The following FER variants were observed in gnomAD, a reference collection of about 807,000 sequenced individuals.
FER encodes the protein FER tyrosine kinase, also known as tyrosine-protein kinase Fer.
In FER, 63 loss-of-function variants were observed where a neutral mutation model predicts 111.0. The observed-to-expected ratio is 0.57, with a 90% CI of 0.46 to 0.70. The LOEUF (loss-of-function observed/expected upper bound fraction) is 0.70. Ranked by LOEUF, FER falls within the 30% of genes least tolerant of loss-of-function variation. The pLI is 0.00. For synonymous variants in FER, 327 were observed against 313.9 expected (o/e 1.04, Z -0.44); for missense variants, 914 against 954.0 (o/e 0.96, Z 0.55).
chr5:109,034,237 A>G (rs1443382033), intron 13 of FER, among the ~76,000 whole-genome samples: 2 of 152,114 alleles, frequency 1.3e-5, no homozygotes, highest in Non-Finnish European at 2.9e-5. Flanking sequence ...TAATTTCTGT[A>G]GATCTATTGA....
intron 13 of FER, among the ~76,000 whole-genome samples, chr5:108,992,506 T>G (rs1311955663): frequency 7.0e-6 from 1 of 142,392 alleles, no homozygotes; most frequent in African/African-American, 2.7e-5. Context: ...GGCGGGGGGC[T>G]GACCCCCCAC....
At chr5:109,046,604 CCTCTGT>C (rs927686994) in intron 15 of FER, among the ~76,000 whole-genome samples, 10 of 152,008 alleles carry the variant, frequency 6.6e-5, no homozygotes, top group African/African-American at 2.4e-4. Context: ...TATGGTTGGG[CCTCTGT>C]CTCCATGGGT....
intron 16 of FER, among the ~76,000 whole-genome samples, chr5:109,055,273 A>G (rs1773470297): frequency 6.6e-6 from 1 of 152,184 alleles, no homozygotes; most frequent in Non-Finnish European, 1.5e-5. Flanking sequence ...TTTGGATATT[A>G]CAGCAAAAAC....
rs1356437138 is a variant in FER, at chr5:109,044,832, A to G, written c.1829+37A>G. 3.0e-6 allele frequency: 3 copies of G among 1,016,400 alleles called. No individual in the cohort carries two copies. In the East Asian group the frequency reaches 7.9e-5, roughly 27 times the overall value. The allele number at this position is 1,016,400 out of a possible 1,614,324, so 63.0% of individuals were successfully genotyped here. ...AAAGTAATCAAAATATGTATTTATT[A>G]TGTAAATTATTTATTAAAATGTAAG... On this transcript the variant is annotated intron_variant, in intron 15 of 19. Transcript: ENST00000281092.
intron 13 of FER, among the ~76,000 whole-genome samples, chr5:109,026,930 C>T (rs1225689838): frequency 2.0e-5 from 3 of 152,086 alleles, no homozygotes; most frequent in South Asian, 2.1e-4. Flanking sequence ...CTGCCCACCT[C>T]GGCCTCCCAA....
At chr5:108,781,193 T>TTTTG (rs535516169) in intron 2 of FER, among the ~76,000 whole-genome samples, 2 of 152,176 alleles carry the variant, frequency 1.3e-5, no homozygotes, top group East Asian at 1.9e-4. Context: ...GACTGTGTTT[T>TTTTG]TTTGTTTGTT....
chr5:108,787,067 G>C (rs553255789), intron 2 of FER, among the ~76,000 whole-genome samples: 2 of 152,000 alleles, frequency 1.3e-5, no homozygotes, highest in African/African-American at 4.8e-5. Flanking sequence ...TTGTGCTCCT[G>C]GGTGCAGCTG....
chr5:108,865,223 G>A (rs1561532487), intron 5 of FER, among the ~76,000 whole-genome samples: 3 of 152,296 alleles, frequency 2.0e-5, no homozygotes, highest in South Asian at 2.1e-4. Flanking sequence ...AGACTTTGCT[G>A]AAGTTGCCTA....
chr5:109,103,116 T>G, intron 17 of FER, among the ~76,000 whole-genome samples: 1 of 152,104 alleles, frequency 6.6e-6, no homozygotes, highest in East Asian at 1.9e-4. Flanking sequence ...CCTTTAGTTT[T>G]TCAGGTAATG....
intron 18 of FER, among the ~76,000 whole-genome samples, chr5:109,185,759 C>T (rs569396194): frequency 9.9e-5 from 15 of 152,040 alleles, no homozygotes; most frequent in African/African-American, 3.6e-4. Flanking sequence ...GACTGCATGT[C>T]GAACTCATTT....
chr5:108,817,340 CAG>C (rs1280220612), intron 3 of FER, among the ~76,000 whole-genome samples: 1 of 152,010 alleles, frequency 6.6e-6, no homozygotes, highest in Non-Finnish European at 1.5e-5. Context: ...CATAAAGACA[CAG>C]AGACTCCAAA....
intron 17 of FER, among the ~76,000 whole-genome samples, chr5:109,114,727 C>T (rs766136699): frequency 1.3e-4 from 19 of 151,980 alleles, no homozygotes; most frequent in Non-Finnish European, 1.9e-4. Flanking sequence ...GATCATGGGC[C>T]ATGTTTTTAC....
intron 16 of FER, 108 bp downstream of exon 16, chr5:109,047,306 G>A (rs1365214137): frequency 3.2e-6 from 2 of 625,762 alleles, no homozygotes; most frequent in Non-Finnish European, 5.5e-6. Context: ...CAAGGATTTT[G>A]TTTAACATTT....
At chr5:108,870,248 C>T (rs1764475408) in intron 6 of FER, among the ~76,000 whole-genome samples, 1 of 152,022 alleles carries the variant, frequency 6.6e-6, no homozygotes, top group Non-Finnish European at 1.5e-5. Flanking sequence ...AACAAATACC[C>T]ATTCATATAA....
intron 1 of FER, among the ~76,000 whole-genome samples, chr5:108,765,255 A>G (rs1752191616): frequency 6.6e-6 from 1 of 152,212 alleles, no homozygotes; most frequent in Non-Finnish European, 1.5e-5. Flanking sequence ...GAATTTTAAA[A>G]AGTTCCATTT....
At chr5:109,184,183 C>G (rs893503411) in intron 18 of FER, among the ~76,000 whole-genome samples, 3 of 152,108 alleles carry the variant, frequency 2.0e-5, no homozygotes, top group African/African-American at 4.8e-5. Flanking sequence ...CCTTTTGTCA[C>G]CTGGGTATTT....
intron 17 of FER, among the ~76,000 whole-genome samples, chr5:109,147,578 C>A (rs918148546): frequency 8.0e-4 from 121 of 151,944 alleles, no homozygotes; most frequent in Non-Finnish European, 1.3e-3. Flanking sequence ...CAATAGTATG[C>A]CCATTTGTAG....
At chr5:108,924,493 A>T in intron 10 of FER, 2 of 735,480 alleles carry the variant, frequency 2.7e-6, no homozygotes, top group Non-Finnish European at 3.7e-6. Context: ...CTGTTCCTTT[A>T]ATCCAGAACT....
Position 109,163,307 on chromosome 5 carries a change from T to C in FER, c.2049-17440T>C, listed in dbSNP as rs144907051. On this transcript the variant is annotated intron_variant, in intron 17 of 19. Coordinates refer to ENST00000281092, the MANE Select transcript of FER (RefSeq NM_005246.4). ...ATCTCCAGTTGATAAACAGGTGGGT[T>C]ATTTCCAGTTTAGGGCCATTATGAA... 1.8e-3 allele frequency among the ~76,000 whole-genome samples: 271 copies of C among 152,306 alleles called. 1 individual carries two copies. Among genetic ancestry groups the C allele is most frequent in the African/African-American group, 5.8e-3 (240 of 41,570 alleles).
Sources: allele counts gnomAD v4.1 joint callset (sites outside exome capture counted in the v4.1 genomes callset), GRCh38; gene constraint gnomAD v4.1.1; transcripts MANE v1.5; gene names NCBI Gene and HGNC (gene_info 2026-07-23, HGNC 2026-07-21).